Variants in GRAMD1C observed in about 807,000 individuals in gnomAD.
GRAMD1C encodes the protein protein Aster-C.
Under a neutral mutation model 97.8 loss-of-function variants are expected in GRAMD1C, and 89 were observed. That is an observed-to-expected ratio of 0.91 (90% CI 0.77 to 1.09). GRAMD1C has a LOEUF of 1.09. Among genes scored for constraint, GRAMD1C ranks in the 50% least tolerant of loss-of-function variants. GRAMD1C has a pLI of 0.00. For synonymous variants in GRAMD1C, 256 were observed against 267.0 expected, an observed-to-expected ratio of 0.96 and a Z score of 0.40; for missense variants, 740 against 766.4, an observed-to-expected ratio of 0.97 and a Z score of 0.41.
intron 15 of GRAMD1C, chr3:113,938,935 G>A (rs1292981029): frequency 6.6e-6 from 1 of 151,932 alleles, no homozygotes; most frequent in Non-Finnish European, 1.5e-5. Flanking sequence ...TTGTTCCTTT[G>A]GGCTTTATGG....
chr3:113,918,802 C>T (rs966905796), intron 10 of GRAMD1C, among the ~76,000 whole-genome samples: 4 of 152,158 alleles, frequency 2.6e-5, no homozygotes, highest in Non-Finnish European at 1.5e-5. Context: ...CTCAAGTGAT[C>T]CTCCTACCTC....
At chr3:113,866,905 T>C (rs1433094297) in intron 2 of GRAMD1C, among the ~76,000 whole-genome samples, 1 of 152,056 alleles carries the variant, frequency 6.6e-6, no homozygotes, top group Non-Finnish European at 1.5e-5. Context: ...CTTGGCTCAC[T>C]GCAACCTCCG....
intron 6 of GRAMD1C, among the ~76,000 whole-genome samples, chr3:113,900,430 T>C (rs1023340977): frequency 6.8e-6 from 1 of 147,764 alleles, no homozygotes; most frequent in Non-Finnish European, 1.5e-5. Context: ...TTATTATTAT[T>C]ATTATTTTGA....
intron 6 of GRAMD1C, chr3:113,885,638 G>T: frequency 6.7e-7 from 1 of 1,502,218 alleles, no homozygotes; most frequent in Non-Finnish European, 9.3e-7. Context: ...GGCCCCATGT[G>T]GATTTCTTCC....
chr3:113,939,816 T>G (rs934887562), intron 15 of GRAMD1C, 70 bp from the exon 16 acceptor site: 97 of 793,602 alleles, frequency 1.2e-4, no homozygotes, highest in Non-Finnish European at 1.9e-4. Flanking sequence ...AGCTTTTGCA[T>G]GTATATTCTG....
intron 1 of GRAMD1C, among the ~76,000 whole-genome samples, chr3:113,829,796 G>A (rs1422996481): frequency 1.3e-5 from 2 of 152,084 alleles, no homozygotes; most frequent in Admixed American, 1.3e-4. Context: ...CAATTTTGCT[G>A]TTGTGCCAAC....
chr3:113,920,266 T>G, intron 10 of GRAMD1C: 1 of 683,454 alleles, frequency 1.5e-6, no homozygotes, highest in Non-Finnish European at 2.4e-6. Flanking sequence ...GTTCAGCAGG[T>G]TGAAGATGGT....
intron 5 of GRAMD1C, among the ~76,000 whole-genome samples, chr3:113,880,915 A>C (rs1365423247): frequency 6.6e-6 from 1 of 152,104 alleles, no homozygotes; most frequent in African/African-American, 2.4e-5. Context: ...TAGCTTCCTC[A>C]CTATGTTAAC....
chr3:113,833,643 T>C (rs1053759885), intron 1 of GRAMD1C, among the ~76,000 whole-genome samples: 7 of 152,170 alleles, frequency 4.6e-5, no homozygotes, highest in African/African-American at 1.7e-4. Flanking sequence ...CCTCTGATAC[T>C]ACGAATCAGT....
At chr3:113,850,041 C>A (rs1026856151) in intron 2 of GRAMD1C, among the ~76,000 whole-genome samples, 2 of 151,894 alleles carry the variant, frequency 1.3e-5, no homozygotes, top group African/African-American at 2.4e-5. Context: ...ACCTCCCTCC[C>A]GGACGGGGCG....
chr3:113,918,206 T>G (rs1381320933), intron 10 of GRAMD1C, among the ~76,000 whole-genome samples: 2 of 152,206 alleles, frequency 1.3e-5, no homozygotes, highest in Non-Finnish European at 2.9e-5. Context: ...GCCTGAGATA[T>G]AAATCTTCCT....
At chr3:113,869,718 C>T (rs754865383) in intron 3 of GRAMD1C, 127 bp downstream of exon 3, 546 of 561,488 alleles carry the variant, frequency 9.7e-4, no homozygotes, top group Middle Eastern at 4.4e-3. Context: ...AGTTAAGCAT[C>T]ATCCTTATGA....
chr3:113,931,194 A>G (rs1209398345), intron 11 of GRAMD1C, among the ~76,000 whole-genome samples: 2 of 152,190 alleles, frequency 1.3e-5, no homozygotes, highest in East Asian at 3.8e-4. Context: ...ATTGATGTCT[A>G]GGATTTCCTT....
chr3:113,884,220 T>G (rs1935365765), intron 6 of GRAMD1C, among the ~76,000 whole-genome samples: 1 of 152,076 alleles, frequency 6.6e-6, no homozygotes, highest in African/African-American at 2.4e-5. Context: ...AAAAAACAGG[T>G]GTCAGTACAT....
chr3:113,839,832 A>T (rs1709731973), intron 1 of GRAMD1C, among the ~76,000 whole-genome samples: 1 of 152,164 alleles, frequency 6.6e-6, no homozygotes, highest in African/African-American at 2.4e-5. Context: ...ATGTACAGAG[A>T]TTGACTTTGC....
At position 113,842,485 on chromosome 3, in the gene GRAMD1C, C is replaced by T. The variant is rs115727023; in HGVS notation, c.28-2018C>T. 5.7e-3 allele frequency among the ~76,000 whole-genome samples: 870 copies of T among 152,154 alleles called. 9 individuals carry two copies. Among genetic ancestry groups the T allele is most frequent in the African/African-American group, 0.02 (832 of 41,504 alleles). On this transcript the variant is annotated intron_variant, in intron 1 of 17. Coordinates refer to ENST00000358160, the MANE Select transcript of GRAMD1C (RefSeq NM_017577.5). ...TTTTTGTTTTGCTGTTGTATGTTTCCTCCCCTTCTATCCAGGTTTGTTGGT... is the reference window on the plus strand; with the variant it reads ...TTTTTGTTTTGCTGTTGTATGTTTCTTCCCCTTCTATCCAGGTTTGTTGGT...
chr3:113,875,629 A>G (rs187701143), intron 4 of GRAMD1C, 42 bp downstream of exon 4: 130 of 849,900 alleles, frequency 1.5e-4, no homozygotes, highest in Admixed American at 3.2e-4. Context: ...AAATAATTGC[A>G]TAGAGATATA....
intron 6 of GRAMD1C, among the ~76,000 whole-genome samples, chr3:113,896,386 T>C (rs1269846457): frequency 6.6e-6 from 1 of 152,208 alleles, no homozygotes; most frequent in Non-Finnish European, 1.5e-5. Flanking sequence ...ATTTTCTCTT[T>C]GTGTGTTGGG....
chr3:113,882,796 T>C lies in GRAMD1C; in HGVS notation c.504T>C (p.Ser168=), dbSNP rs760981656. The change falls in exon 6 of 18, where the codon AGT becomes AGC. Residue 168 remains serine, a synonymous_variant. Coordinates refer to ENST00000358160, the MANE Select transcript of GRAMD1C (RefSeq NM_017577.5). The stretch of plus-strand genomic sequence containing the variant: ...GTGCCAGGGATAGAAGTTACCTCAG[T>C]ATCTTTAGGTTGTGGCAGAATGTAT... The part of the protein sequence containing the change: ...SFGARDRSYL[S]IFRLWQNVLL... 18 of 1,596,358 alleles carry C rather than the reference T, an allele frequency of 1.1e-5. No homozygotes were observed. Among genetic ancestry groups the C allele is most frequent in the Non-Finnish European group, 1.5e-5 (17 of 1,164,434 alleles).
Sources: gnomAD v4.1 joint callset for allele counts (sites outside exome capture counted in the v4.1 genomes callset) on GRCh38, gnomAD v4.1.1 for gene constraint, MANE v1.5 for transcripts, NCBI Gene and HGNC (gene_info 2026-07-23, HGNC 2026-07-21) for gene names.